Variants in HCK observed in about 807,000 individuals in gnomAD.
HCK encodes tyrosine-protein kinase HCK.
Under a neutral mutation model 70.4 loss-of-function variants are expected in HCK, and 40 were observed. That is an observed-to-expected ratio of 0.57 (90% CI 0.44 to 0.74). The LOEUF (loss-of-function observed/expected upper bound fraction) is 0.74, where lower values mean the gene tolerates loss of function less well. HCK is among the 30% of genes least tolerant of loss of function. The pLI is 0.00. For synonymous variants in HCK, 245 were observed against 263.2 expected, an observed-to-expected ratio of 0.93 and a Z score of 0.67; for missense variants, 568 against 697.2, an observed-to-expected ratio of 0.81 and a Z score of 2.09.
At chr20:32,098,871 A>G (rs1257969682) in intron 11 of HCK, 133 bp from the exon 12 acceptor site, 5 of 939,170 alleles carry the variant, frequency 5.3e-6, no homozygotes, top group African/African-American at 1.7e-5. Context: ...CAGGGAGGCC[A>G]CGTATCAGGG....
chr20:32,097,833 A>G (rs1428450492), intron 11 of HCK, among the ~76,000 whole-genome samples: 4 of 152,084 alleles, frequency 2.6e-5, no homozygotes, highest in Non-Finnish European at 2.9e-5. Context: ...CATATATTCT[A>G]TAGACCATGT....
At chr20:32,101,190 A>AGG in intron 12 of HCK, 127 bp from the exon 13 acceptor site, 1 of 782,144 alleles carries the variant, frequency 1.3e-6, no homozygotes, top group Non-Finnish European at 2.1e-6. Flanking sequence ...TGTCTTTCAC[A>AGG]GTGGAAGGGG....
At chr20:32,094,764 G>A (rs145738671) in intron 11 of HCK, among the ~76,000 whole-genome samples, 14,452 of 65,344 alleles carry the variant, frequency 0.22, 1,618 homozygotes, top group African/African-American at 0.32. Flanking sequence ...AAAGAAAGAA[G>A]GAAAGAAAGA....
At chr20:32,054,286 G>C (rs1483715773) in intron 1 of HCK, 1 of 455,706 alleles carries the variant, frequency 2.2e-6, no homozygotes. Flanking sequence ...ATAAATGTAC[G>C]CATAAACAAC....
intron 1 of HCK, among the ~76,000 whole-genome samples, chr20:32,061,185 T>C (rs2045367725): frequency 6.6e-6 from 1 of 152,200 alleles, no homozygotes; most frequent in South Asian, 2.1e-4. Context: ...GGTTTCACCA[T>C]GTTGGCCAGG....
intron 1 of HCK, among the ~76,000 whole-genome samples, chr20:32,066,492 C>A (rs934670013): frequency 6.6e-6 from 1 of 151,184 alleles, no homozygotes; most frequent in East Asian, 1.9e-4. Flanking sequence ...TTTCTGTTTT[C>A]GGTAGAGTCA....
chr20:32,078,876 AAAAG>A (rs2045667413), intron 5 of HCK, among the ~76,000 whole-genome samples: 2 of 150,790 alleles, frequency 1.3e-5, no homozygotes, highest in East Asian at 1.9e-4. Flanking sequence ...AAAAAAAAAA[AAAAG>A]GGGGGGAATG....
At chr20:32,064,847 G>A (rs2045432917) in intron 1 of HCK, among the ~76,000 whole-genome samples, 2 of 152,372 alleles carry the variant, frequency 1.3e-5, no homozygotes, top group East Asian at 3.9e-4. Flanking sequence ...CAGAGGCTGA[G>A]GCGGTGAGGA....
intron 7 of HCK, 42 bp downstream of exon 7, chr20:32,084,085 C>T: frequency 6.3e-7 from 1 of 1,598,712 alleles, no homozygotes; most frequent in Non-Finnish European, 8.5e-7. Context: ...CACGATGGGC[C>T]CACAGACTCC....
At chr20:32,084,125 C>A in intron 7 of HCK, 82 bp downstream of exon 7, 2 of 1,429,804 alleles carry the variant, frequency 1.4e-6, no homozygotes, top group South Asian at 1.2e-5. Context: ...GCCCCTGAGA[C>A]CTGCTGTGTC....
intron 6 of HCK, among the ~76,000 whole-genome samples, chr20:32,083,133 C>G (rs1474586744): frequency 1.3e-5 from 2 of 152,090 alleles, no homozygotes; most frequent in African/African-American, 4.8e-5. Flanking sequence ...TGACATCTGT[C>G]CAAGCTCTTG....
chr20:32,067,652 G>A (rs2122509095), intron 1 of HCK, among the ~76,000 whole-genome samples: 1 of 143,456 alleles, frequency 7.0e-6, no homozygotes, highest in Non-Finnish European at 1.5e-5. Context: ...CACTCCTACT[G>A]TGTGCCAGGA....
chr20:32,075,701 T>C (rs1568982849), intron 5 of HCK, among the ~76,000 whole-genome samples: 1 of 151,148 alleles, frequency 6.6e-6, no homozygotes, highest in Non-Finnish European at 1.5e-5. Flanking sequence ...CATCCATCCA[T>C]CCATTCATCC....
chr20:32,096,717 G>A (rs1346932328), intron 11 of HCK, among the ~76,000 whole-genome samples: 1 of 151,958 alleles, frequency 6.6e-6, no homozygotes, highest in Non-Finnish European at 1.5e-5. Flanking sequence ...GCCCAGGCTG[G>A]TCTCAAACTC....
At chr20:32,093,822 G>C (rs745414519) in intron 10 of HCK, 41 bp from the exon 11 acceptor site, 2 of 1,582,650 alleles carry the variant, frequency 1.3e-6, no homozygotes, top group East Asian at 4.5e-5. Context: ...TCTTGGCGTA[G>C]GCCAGGTCTG....
chr20:32,061,194 G>A (rs187143930), intron 1 of HCK, among the ~76,000 whole-genome samples: 2 of 152,200 alleles, frequency 1.3e-5, no homozygotes, highest in Admixed American at 6.5e-5. Context: ...ATGTTGGCCA[G>A]GCTGGTCTTG....
intron 6 of HCK, among the ~76,000 whole-genome samples, chr20:32,080,704 GT>G (rs2045697484): frequency 6.6e-6 from 1 of 152,080 alleles, no homozygotes; most frequent in South Asian, 2.1e-4. Context: ...TAGAGATGGG[GT>G]TTTGCCATGT....
At chr20:32,073,909 G>A in intron 4 of HCK, 91 bp downstream of exon 4, 1 of 727,000 alleles carries the variant, frequency 1.4e-6, no homozygotes, top group Non-Finnish European at 2.5e-6. Flanking sequence ...CCTGATAGAT[G>A]GGCTATCTTA....
chr20:32,079,973 G>A, intron 6 of HCK, 96 bp downstream of exon 6: 1 of 906,400 alleles, frequency 1.1e-6, no homozygotes, highest in Non-Finnish European at 1.8e-6. Context: ...GGGAAAGGCT[G>A]AAAAACCCAA....
Sources: allele counts gnomAD v4.1 joint callset (sites outside exome capture counted in the v4.1 genomes callset), GRCh38; gene constraint gnomAD v4.1.1; transcripts MANE v1.5; gene names NCBI Gene and HGNC (gene_info 2026-07-23, HGNC 2026-07-21).